The following MACF1 variants were observed in gnomAD, a reference collection of about 807,000 sequenced individuals.
MACF1 encodes microtubule actin crosslinking factor 1.
Under a neutral mutation model 854.8 loss-of-function variants are expected in MACF1, and 193 were observed. That is an observed-to-expected ratio of 0.23 (90% CI 0.20 to 0.25). MACF1 has a LOEUF of 0.25. Among genes scored for constraint, MACF1 ranks in the 10% least tolerant of loss-of-function variants. The pLI, the probability that MACF1 is intolerant of heterozygous loss-of-function variation, is 1.00. For synonymous variants in MACF1, 3,185 were observed against 3,226.7 expected, an observed-to-expected ratio of 0.99 and a Z score of 0.44; for missense variants, 7,722 against 8,929.1, an observed-to-expected ratio of 0.86 and a Z score of 5.45.
At chr1:39,199,960 A>C (rs1016039032), upstream of MACF1, among the ~76,000 whole-genome samples, 3 of 152,206 alleles carry the variant, frequency 2.0e-5, no homozygotes, top group African/African-American at 7.2e-5. Context: ...TATTGACCCT[A>C]CATTGCTCTC....
At chr1:39,453,673 T>C (rs1042301379) in intron 87 of MACF1, 34 bp from the exon 88 acceptor site, 3 of 1,607,532 alleles carry the variant, frequency 1.9e-6, no homozygotes, top group South Asian at 2.2e-5. Context: ...ATGTAGACTT[T>C]TTACGTTTTT....
chr1:39,463,864 C>T lies in MACF1; in HGVS notation c.21753+178C>T, dbSNP rs149686928. 1.3e-5 allele frequency: 7 copies of T among 555,284 alleles called. No individual in the cohort carries two copies. The East Asian group carries it at 2.2e-4, about 17-fold the overall frequency. 34.4% of individuals were successfully genotyped at this position (555,284 alleles called of 1,614,324 possible). Reference sequence around the variant, plus strand: ...ACCCTGTTACATCTGAAAACTAGTCCCATATCTACCTAGATAGTAGTAGTT... The same window carrying T: ...ACCCTGTTACATCTGAAAACTAGTCTCATATCTACCTAGATAGTAGTAGTT... On this transcript the variant is annotated intron_variant, in intron 94 of 100. Coordinates refer to ENST00000564288, the MANE Select transcript of MACF1 (RefSeq NM_001394062.1).
chr1:39,349,396 C>T (rs1288529190), intron 41 of MACF1, 82 bp from the exon 42 acceptor site: 16 of 1,407,294 alleles, frequency 1.1e-5, no homozygotes, highest in Non-Finnish European at 1.5e-5. Flanking sequence ...TATAACCTTC[C>T]TGTTTTACAT....
intron 1 of MACF1, among the ~76,000 whole-genome samples, chr1:39,229,339 T>C (rs1055905402): frequency 3.3e-5 from 5 of 152,210 alleles, no homozygotes; most frequent in African/African-American, 7.2e-5. Flanking sequence ...AAAGTACTTA[T>C]TGAATGGCTA....
chr1:39,110,939 A>G (rs1267431324), intron 2 of MACF1, among the ~76,000 whole-genome samples: 1 of 152,212 alleles, frequency 6.6e-6, no homozygotes, highest in Middle Eastern at 3.2e-3. Flanking sequence ...ACAAATGAAC[A>G]ATTATAGATT....
chr1:39,327,007 C>T (rs1020460533), intron 35 of MACF1, among the ~76,000 whole-genome samples: 5 of 151,998 alleles, frequency 3.3e-5, no homozygotes, highest in African/African-American at 9.7e-5. Flanking sequence ...ATTTGAACTA[C>T]AAGCATAGGG....
chr1:39,105,284 C>T lies in MACF1; in HGVS notation c.220+20846C>T. The T allele has an allele frequency of 6.1e-6, 3 of 489,684 alleles. No individual in the cohort carries two copies. Among genetic ancestry groups the T allele is most frequent in the Non-Finnish European group, 7.9e-6 (3 of 377,700 alleles). 30.3% of individuals were successfully genotyped at this position (489,684 alleles called of 1,614,324 possible). ...ACCCGGAGGCGGCGGGGAGAGGGGG[C>T]GGGGAACGGGCCGGGCCTGGCGCTC... On this transcript the variant is annotated intron_variant, in intron 2 of 93. Transcript: ENST00000361689. The surrounding 1 kb of genome is among the most constrained non-coding windows in gnomAD (Gnocchi z 5.9).
chr1:39,100,877 A>C (rs1005378567), intron 2 of MACF1, among the ~76,000 whole-genome samples: 5 of 151,806 alleles, frequency 3.3e-5, no homozygotes, highest in African/African-American at 4.8e-5. Flanking sequence ...AATTAAATTA[A>C]ATTAAATAAA....
At chr1:39,174,703 G>A (rs1185493400) in intron 2 of MACF1, among the ~76,000 whole-genome samples, 1 of 152,208 alleles carries the variant, frequency 6.6e-6, no homozygotes, top group Non-Finnish European at 1.5e-5. Context: ...CGTAGTCTTT[G>A]TCTGAGAGTA....
chr1:39,368,014 A>G, intron 49 of MACF1, 134 bp from the exon 50 acceptor site: 1 of 618,448 alleles, frequency 1.6e-6, no homozygotes, highest in Admixed American at 3.1e-5. Flanking sequence ...TTTTTTTTAA[A>G]CTTTTCACTG....
intron 2 of MACF1, among the ~76,000 whole-genome samples, chr1:39,104,222 A>G (rs572732946): frequency 6.6e-6 from 1 of 152,374 alleles, no homozygotes; most frequent in Admixed American, 6.5e-5. Context: ...TGGCGGGCAC[A>G]ACGTGTCACC....
chr1:39,248,120 TTACACACATACA>T (rs993776261), intron 2 of MACF1, among the ~76,000 whole-genome samples: 3 of 152,194 alleles, frequency 2.0e-5, no homozygotes, highest in African/African-American at 7.2e-5. Context: ...TCTTATTTCT[TTACACACATACA>T]TACACACATA....
chr1:39,189,262 A>G (rs1644216218), intron 2 of MACF1, among the ~76,000 whole-genome samples: 1 of 152,186 alleles, frequency 6.6e-6, no homozygotes, highest in Non-Finnish European at 1.5e-5. Flanking sequence ...TCCTGCAGGC[A>G]CTTAGCAGAG....
chr1:39,235,565 T>C (rs952924527), intron 2 of MACF1, among the ~76,000 whole-genome samples: 1 of 152,244 alleles, frequency 6.6e-6, no homozygotes, highest in African/African-American at 2.4e-5. Context: ...GTTAATCACT[T>C]GTAGCTCAGA....
intron 2 of MACF1, among the ~76,000 whole-genome samples, chr1:39,156,820 A>G (rs1003582504): frequency 1.3e-5 from 2 of 152,170 alleles, no homozygotes; most frequent in Non-Finnish European, 2.9e-5. Flanking sequence ...TTGCATTTTG[A>G]GAAAAATGAA....
Position 39,283,737 on chromosome 1 carries a change from A to G in MACF1, c.915+222A>G, listed in dbSNP as rs1401911356. Among the ~76,000 whole-genome samples, 3 of 152,210 alleles carry G rather than the reference A, an allele frequency of 2.0e-5. No homozygotes were observed. The highest frequency in any genetic ancestry group is 7.2e-5 in the African/African-American group (3 of 41,458). ...ACTATTTGGTGCTAAATGCCAGCAA[A>G]GAATGTCTCTTTCATCCCCAGCTGT... is the stretch of plus-strand genomic sequence containing the variant. On this transcript the variant is annotated intron_variant, in intron 9 of 100. Coordinates refer to ENST00000564288, the MANE Select transcript of MACF1 (RefSeq NM_001394062.1). This position sits in a 1 kb window ranked among gnomAD's most constrained non-coding sequence, Gnocchi z 4.5.
At chr1:39,319,496 G>A (rs1225682749) in intron 30 of MACF1, among the ~76,000 whole-genome samples, 168 bp from the exon 31 acceptor site, 2 of 152,172 alleles carry the variant, frequency 1.3e-5, no homozygotes, top group Admixed American at 6.5e-5. Flanking sequence ...CAAACCCACT[G>A]AACCAGAAAC....
chr1:39,331,267 C>T lies in MACF1; in HGVS notation c.4679C>T (p.Ala1560Val), dbSNP rs1359905446. Reference protein sequence around the residue: ...GTVEIFPIFKAMQKGLLDQDT... With the variant: ...GTVEIFPIFKVMQKGLLDQDT... ...GTGGAGATATTTCCCATCTTCAAAG[C>T]CATGCAAAAGGGCCTCCTTGACCAA... The change falls in exon 37 of 101, where the codon GCC becomes GTC. Residue 1560 changes from alanine (A) to valine (V), a missense_variant. Physicochemically the swap from Ala to Val is moderately conservative, Grantham distance 64. Transcript: ENST00000564288. The T allele has an allele frequency of 6.2e-7, 1 of 1,608,280 alleles. No individual in the cohort carries two copies. Among genetic ancestry groups the T allele is most frequent in the African/African-American group, 1.4e-5 (1 of 72,656 alleles).
At chr1:39,177,519 A>G (rs1644046559) in intron 2 of MACF1, among the ~76,000 whole-genome samples, 1 of 152,280 alleles carries the variant, frequency 6.6e-6, no homozygotes, top group East Asian at 1.9e-4. Flanking sequence ...GCTGTGCAAA[A>G]AGGGAACATC....
Sources: allele counts gnomAD v4.1 joint callset (sites outside exome capture counted in the v4.1 genomes callset), GRCh38; gene constraint gnomAD v4.1.1; non-coding constraint Gnocchi (gnomAD v3.1); transcripts MANE v1.5; gene names NCBI Gene and HGNC (gene_info 2026-07-23, HGNC 2026-07-21).